The following APPBP2 variants were observed in gnomAD, a reference collection of about 807,000 sequenced individuals.
APPBP2 encodes amyloid beta precursor protein binding protein 2, also known as amyloid protein-binding protein 2.
APPBP2 carries 15 observed loss-of-function variants against 76.0 expected under a neutral mutation model. The observed-to-expected ratio is 0.20, with a 90% CI of 0.13 to 0.30. The LOEUF is 0.30. APPBP2 is among the 10% of genes least tolerant of loss of function. APPBP2 has a pLI of 1.00. For synonymous variants in APPBP2, 222 were observed against 242.2 expected (o/e 0.92, Z 0.77); for missense variants, 401 against 687.2 (o/e 0.58, Z 4.66).
intron 1 of APPBP2, among the ~76,000 whole-genome samples, chr17:60,515,060 T>C (rs1452811409): frequency 6.6e-6 from 1 of 151,648 alleles, no homozygotes; most frequent in Non-Finnish European, 1.5e-5. Flanking sequence ...CACCTCGGCC[T>C]CCCAAAGTGC....
At chr17:60,466,946 G>C (rs939208539) in intron 4 of APPBP2, among the ~76,000 whole-genome samples, 3 of 152,104 alleles carry the variant, frequency 2.0e-5, no homozygotes, top group Non-Finnish European at 2.9e-5. Context: ...AATAGCAGTA[G>C]TGTCAACTAT....
intron 1 of APPBP2, among the ~76,000 whole-genome samples, chr17:60,518,358 CGTGTGTGTGTGTGTGT>C (rs59428194): frequency 2.1e-4 from 19 of 89,098 alleles, no homozygotes; most frequent in South Asian, 7.9e-4. Context: ...TGTGTGCGTG[CGTGTGTGTGTGTGTGT>C]GTGTGTGTGT....
intron 6 of APPBP2, among the ~76,000 whole-genome samples, chr17:60,463,198 T>C (rs766567977): frequency 6.6e-6 from 1 of 152,140 alleles, no homozygotes; most frequent in Admixed American, 6.5e-5. Flanking sequence ...TTTCCATAAG[T>C]AAAATCAACC....
chr17:60,511,870 T>C (rs1303274059), intron 1 of APPBP2, among the ~76,000 whole-genome samples: 1 of 152,066 alleles, frequency 6.6e-6, no homozygotes, highest in East Asian at 1.9e-4. Flanking sequence ...TAATCCTCTA[T>C]TATATAAAGA....
At chr17:60,451,658 T>C (rs1408419251) in intron 12 of APPBP2, among the ~76,000 whole-genome samples, 1 of 151,978 alleles carries the variant, frequency 6.6e-6, no homozygotes, top group East Asian at 1.9e-4. Context: ...TTGTATTTTT[T>C]AGTAGAGATG....
intron 3 of APPBP2, among the ~76,000 whole-genome samples, chr17:60,490,079 A>G (rs2143416901): frequency 6.6e-6 from 1 of 152,164 alleles, no homozygotes; most frequent in Non-Finnish European, 1.5e-5. Context: ...AAACCCCCAA[A>G]CAAAAATAGT....
intron 1 of APPBP2, among the ~76,000 whole-genome samples, chr17:60,501,314 G>A (rs934145512): frequency 6.6e-6 from 1 of 152,018 alleles, no homozygotes; most frequent in African/African-American, 2.4e-5. Context: ...GTGAGACCCT[G>A]TCTCAAAAAA....
intron 3 of APPBP2, among the ~76,000 whole-genome samples, chr17:60,489,014 A>G (rs1173930340): frequency 2.7e-5 from 4 of 149,060 alleles, no homozygotes; most frequent in Non-Finnish European, 6.0e-5. Context: ...CGAAGTCATG[A>G]GTTTGAGACC....
chr17:60,451,833 T>C (rs1483377833), intron 12 of APPBP2, 47 bp downstream of exon 12: 9 of 1,476,804 alleles, frequency 6.1e-6, no homozygotes, highest in Non-Finnish European at 8.4e-6. Context: ...CATGCTGACA[T>C]GTTGATTTGT....
At chr17:60,485,352 G>A (rs1366693756) in intron 3 of APPBP2, among the ~76,000 whole-genome samples, 1 of 152,058 alleles carries the variant, frequency 6.6e-6, no homozygotes, top group Non-Finnish European at 1.5e-5. Context: ...TTGGTTGGTA[G>A]GCTATTAATT....
chr17:60,505,361 G>C (rs1348240197), intron 1 of APPBP2, among the ~76,000 whole-genome samples: 1 of 152,224 alleles, frequency 6.6e-6, no homozygotes, highest in African/African-American at 2.4e-5. Flanking sequence ...TGTCGCCTAG[G>C]TTGGAGTGCA....
intron 2 of APPBP2, among the ~76,000 whole-genome samples, chr17:60,498,987 G>A (rs1315345183): frequency 1.3e-5 from 2 of 152,012 alleles, no homozygotes; most frequent in Admixed American, 6.6e-5. Context: ...AACCACATAA[G>A]AAATTAGTCA....
At chr17:60,522,735 T>G (rs2091020237) in intron 1 of APPBP2, among the ~76,000 whole-genome samples, 2 of 152,088 alleles carry the variant, frequency 1.3e-5, no homozygotes, top group African/African-American at 4.8e-5. Flanking sequence ...CAGGCAAGAC[T>G]CATCAACTCA....
intron 8 of APPBP2, 24 bp from the exon 9 acceptor site, chr17:60,460,811 G>C: frequency 6.2e-7 from 1 of 1,607,048 alleles, no homozygotes. Context: ...AAAAATATTT[G>C]TCAATACTGT....
At chr17:60,449,289 G>A (rs953284287) in intron 12 of APPBP2, among the ~76,000 whole-genome samples, 5 of 148,430 alleles carry the variant, frequency 3.4e-5, no homozygotes, top group African/African-American at 1.1e-4. Flanking sequence ...CAGTATAGCA[G>A]AGGGAAAAAA....
chr17:60,462,476 T>C (rs1430351865), intron 6 of APPBP2: 2 of 161,006 alleles, frequency 1.2e-5, no homozygotes, highest in Non-Finnish European at 2.7e-5. Flanking sequence ...TTTAAATGCA[T>C]AGAATTTCAA....
In APPBP2 at chr17:60,447,661, C is replaced by T. The variant is rs1037591458; in HGVS notation, c.1678G>A (p.Val560Ile). ...QYSVTDALED[V>I]STSPQSTEEV... is the part of the protein sequence containing the mutation. ...TCAGTGGACTGGGGGCTGGTGCTGA[C>T]ATCTTCAAGAGCATCTGTCACTGAA... The change falls in exon 13 of 13, where the codon GTC becomes ATC. Residue 560 changes from valine to isoleucine, a missense_variant. By Grantham distance (29) the Val-to-Ile change is conservative. Transcript: ENST00000083182. The T allele has an allele frequency of 3.1e-6, 5 of 1,613,982 alleles. No homozygotes were observed. In the Admixed American group the frequency reaches 8.3e-5, roughly 27 times the overall value.
intron 1 of APPBP2, among the ~76,000 whole-genome samples, chr17:60,518,478 A>C (rs542753529): frequency 7.8e-5 from 11 of 141,226 alleles, no homozygotes; most frequent in African/African-American, 3.4e-4. Context: ...TGCTGGGATT[A>C]CAGGCATGAG....
intron 1 of APPBP2, among the ~76,000 whole-genome samples, chr17:60,516,032 G>A (rs1206657559): frequency 1.3e-5 from 2 of 152,142 alleles, no homozygotes; most frequent in Non-Finnish European, 2.9e-5. Context: ...CAGGTGTGGT[G>A]GCACGCACCT....
Sources: gnomAD v4.1 joint callset for allele counts (sites outside exome capture counted in the v4.1 genomes callset) on GRCh38, gnomAD v4.1.1 for gene constraint, MANE v1.5 for transcripts, NCBI Gene and HGNC (gene_info 2026-07-23, HGNC 2026-07-21) for gene names.